CFHR3: variants seen among roughly 807,000 people sequenced by gnomAD.
The protein encoded by CFHR3 is complement factor H related 3.
CFHR3 carries 22 observed loss-of-function variants against 36.0 expected under a neutral mutation model. That is an observed-to-expected ratio of 0.61 (90% CI 0.44 to 0.87). CFHR3 has a LOEUF of 0.87. Among genes scored for constraint, CFHR3 ranks in the 40% least tolerant of loss-of-function variants. CFHR3 has a pLI of 0.00. For missense variants in CFHR3, 276 were observed against 401.3 expected (o/e 0.69, Z 2.67); for synonymous variants, 97 against 137.4 (o/e 0.71, Z 2.06).
intron 1 of CFHR3, among the ~76,000 whole-genome samples, chr1:196,777,864 G>A (rs1332756201): frequency 7.7e-6 from 1 of 130,360 alleles, no homozygotes; most frequent in Admixed American, 7.5e-5. Flanking sequence ...GCACACACCT[G>A]CAATCCCAGC....
At chr1:196,785,490 G>A (rs1381317576) in intron 3 of CFHR3, among the ~76,000 whole-genome samples, 3 of 135,030 alleles carry the variant, frequency 2.2e-5, no homozygotes, top group African/African-American at 3.2e-5. Flanking sequence ...TTTCTTGGAG[G>A]TTTTGTTCAT....
At position 196,777,239 on chromosome 1, in the gene CFHR3, C is replaced by T. The variant is rs959824823; in HGVS notation, c.59-1923C>T. Among the ~76,000 whole-genome samples the T allele has an allele frequency of 6.6e-5, 9 of 136,952 alleles. 1 individual carries two copies. Among genetic ancestry groups the T allele is most frequent in the African/African-American group, 2.1e-4 (7 of 32,818 alleles). The allele number at this position is 136,952 out of a possible 152,430, so 89.8% of individuals were successfully genotyped here. ...CTTCCATCAACTCATAAGTTATTTA[C>T]ACTTATTTAAAAACAGGTTGTCAGG... On this transcript the variant is annotated intron_variant, in intron 1 of 5. Transcript: ENST00000367425.
intron 3 of CFHR3, among the ~76,000 whole-genome samples, chr1:196,782,147 G>C (rs1221716862): frequency 7.3e-6 from 1 of 136,750 alleles, no homozygotes; most frequent in Non-Finnish European, 1.5e-5. Flanking sequence ...GCTCTGTTCT[G>C]TTCCATTGAT....
chr1:196,779,689 A>G (rs1343559058), intron 2 of CFHR3, 108 bp from the exon 3 acceptor site: 2 of 1,318,080 alleles, frequency 1.5e-6, no homozygotes, highest in Non-Finnish European at 2.0e-6. Context: ...TTATTTTTGG[A>G]TGTTTATGCG....
Position 196,785,632 on chromosome 1 carries a change from C to G in CFHR3, c.431-2584C>G, listed in dbSNP as rs543195336. Among the ~76,000 whole-genome samples the G allele has an allele frequency of 1.5e-5, 2 of 137,200 alleles. 1 individual carries two copies. Among genetic ancestry groups the G allele is most frequent in the Non-Finnish European group, 3.1e-5 (2 of 64,658 alleles). 90.0% of individuals were successfully genotyped at this position (137,200 alleles called of 152,430 possible). A position where few individuals can be genotyped will look rare whatever the true frequency, so the allele number is the denominator to read the frequency against. ...GCTTCTGTATTCTTCACGTAGTTCT[C>G]GAGCCTTGGCTTTCAGCTCCACCAG... On this transcript the variant is annotated intron_variant, in intron 3 of 5. Transcript: ENST00000367425.
chr1:196,793,538 T>C lies in CFHR3; in HGVS notation c.*25T>C, dbSNP rs1654497581. ...AGGCAGCATTGTTACCCTAAATGTA[T>C]GTCCAACTTCCACTTTTCCACTTCT... is the stretch of plus-strand genomic sequence containing the variant. On this transcript the variant is annotated 3_prime_UTR_variant, in exon 6 of 6. Transcript: ENST00000367425. 6.7e-7 allele frequency: 1 copy of C among 1,503,518 alleles called. No individual in the cohort carries two copies. Among genetic ancestry groups the C allele is most frequent in the Non-Finnish European group, 9.0e-7 (1 of 1,109,806 alleles). The allele number at this position is 1,503,518 out of a possible 1,614,324, so 93.1% of individuals were successfully genotyped here. A position where few individuals can be genotyped will look rare whatever the true frequency, so the allele number is the denominator to read the frequency against.
chr1:196,791,148 C>T lies in CFHR3; in HGVS notation c.796+921C>T, dbSNP rs1352938128. 5.1e-5 allele frequency among the ~76,000 whole-genome samples: 7 copies of T among 136,020 alleles called. 2 individuals are homozygous for T. Among genetic ancestry groups the T allele is most frequent in the African/African-American group, 2.2e-4 (7 of 32,296 alleles). The allele number at this position is 136,020 out of a possible 152,430, so 89.2% of individuals were successfully genotyped here. On this transcript the variant is annotated intron_variant, in intron 5 of 5. Coordinates refer to ENST00000367425, the MANE Select transcript of CFHR3 (RefSeq NM_021023.6). ...GCAAGCAACAAAGAAATTAACGAAA[C>T]TTCAGCCATTTCCATAACCCATTGC...
At chr1:196,785,224 G>A (rs1390857820) in intron 3 of CFHR3, among the ~76,000 whole-genome samples, 7 of 133,630 alleles carry the variant, frequency 5.2e-5, no homozygotes, top group African/African-American at 6.4e-5. Context: ...TTTCTCTCTG[G>A]CTGCCCTTAA....
intron 3 of CFHR3, among the ~76,000 whole-genome samples, chr1:196,786,488 C>G (rs1475306076): frequency 7.4e-6 from 1 of 135,408 alleles, no homozygotes; most frequent in Non-Finnish European, 1.6e-5. Context: ...CTTTGTTTAC[C>G]TAAGCAAGCC....
At chr1:196,789,166 A>G in intron 4 of CFHR3, 2 of 959,054 alleles carry the variant, frequency 2.1e-6, no homozygotes, top group Non-Finnish European at 2.5e-6. Flanking sequence ...TAACCCAAAT[A>G]CTGTTGTATA....
In CFHR3 at chr1:196,779,795, AG is replaced by A; in HGVS notation, c.254del. The A allele has an allele frequency of 2.6e-6, 4 of 1,517,686 alleles. 1 individual carries two copies. Among genetic ancestry groups the A allele is most frequent in the Non-Finnish European group, 3.6e-6 (4 of 1,123,714 alleles). The allele number at this position is 1,517,686 out of a possible 1,614,324, so 94.0% of individuals were successfully genotyped here. A position where few individuals can be genotyped will look rare whatever the true frequency, so the allele number is the denominator to read the frequency against. ...ATTTATTTATCATTGCTATGTCCTTAGGAAAATGTTATTTTCCTTATTTGGA... is the reference window on the plus strand; with the variant it reads ...ATTTATTTATCATTGCTATGTCCTTAGAAAATGTTATTTTCCTTATTTGGA... On this transcript the variant is annotated splice_acceptor_variant, in intron 2 of 5. Coordinates refer to ENST00000367425, the MANE Select transcript of CFHR3 (RefSeq NM_021023.6). LOFTEE classifies it high-confidence loss of function.
intron 3 of CFHR3, among the ~76,000 whole-genome samples, chr1:196,786,541 T>G (rs1008194610): frequency 7.4e-6 from 1 of 135,776 alleles, no homozygotes; most frequent in Admixed American, 7.1e-5. Flanking sequence ...GCTGCCGCCT[T>G]GCAGTTTGAT....
At chr1:196,779,378 T>C in intron 2 of CFHR3, 22 bp downstream of exon 2, 1 of 1,400,550 alleles carries the variant, frequency 7.1e-7, no homozygotes, top group South Asian at 1.3e-5. Context: ...TCTGAACTGC[T>C]ACACATGTAT....
rs73073594 is a variant in CFHR3, at chr1:196,793,454, A to T, written c.934A>T (p.Ile312Phe). 1.9e-3 allele frequency: 2,943 copies of T among 1,527,060 alleles called. 779 individuals are homozygous for T. The African/African-American group carries it at 0.04, about 21-fold the overall frequency. The allele number at this position is 1,527,060 out of a possible 1,614,324, so 94.6% of individuals were successfully genotyped here. ...ATTGGGATATAATGCAAATACATCAATTCTATCATTTCAAGCAGTGTGTCG... is the reference window on the plus strand; with the variant it reads ...ATTGGGATATAATGCAAATACATCATTTCTATCATTTCAAGCAGTGTGTCG... ...CKLGYNANTS[I>F]LSFQAVCREG... The change falls in exon 6 of 6, where the codon ATT (isoleucine) becomes TTT (phenylalanine). Residue 312 changes from isoleucine (I) to phenylalanine (F), a missense_variant. By Grantham distance (21) the Ile-to-Phe change is conservative. Transcript: ENST00000367425.
intron 3 of CFHR3, among the ~76,000 whole-genome samples, chr1:196,787,485 T>C (rs391537): frequency 0.3 from 40,826 of 135,756 alleles, 12,140 homozygotes; most frequent in East Asian, 0.53. Context: ...CATTTGTTTT[T>C]GAATTACTAA....
chr1:196,784,504 ATATCTAG>A (rs1654104604), intron 3 of CFHR3, among the ~76,000 whole-genome samples: 1 of 136,210 alleles, frequency 7.3e-6, no homozygotes, highest in Non-Finnish European at 1.6e-5. Context: ...GGGTGCATAT[ATATCTAG>A]GATAGTTAGC....
intron 1 of CFHR3, 67 bp downstream of exon 1, chr1:196,775,011 T>C: frequency 8.1e-7 from 1 of 1,241,336 alleles, no homozygotes; most frequent in Middle Eastern, 2.1e-4. Flanking sequence ...TATCTAGCTT[T>C]GTATGTCTAT....
chr1:196,783,652 C>G (rs1416569358), intron 3 of CFHR3, among the ~76,000 whole-genome samples: 1 of 134,106 alleles, frequency 7.5e-6, no homozygotes, highest in Non-Finnish European at 1.6e-5. Flanking sequence ...TGGTGATATC[C>G]CCTTTATCAT....
chr1:196,781,793 G>A (rs1168646425), intron 3 of CFHR3, among the ~76,000 whole-genome samples: 1 of 135,076 alleles, frequency 7.4e-6, no homozygotes, highest in Non-Finnish European at 1.6e-5. Context: ...CTGTGCGGAA[G>A]CTCTTTAGTT....
Sources: gnomAD v4.1 joint callset for allele counts (sites outside exome capture counted in the v4.1 genomes callset) on GRCh38, gnomAD v4.1.1 for gene constraint, MANE v1.5 for transcripts, NCBI Gene and HGNC (gene_info 2026-07-23, HGNC 2026-07-21) for gene names.